The following RHOBTB2 variants were observed in gnomAD, a reference collection of about 807,000 sequenced individuals.
RHOBTB2 encodes the protein Rho related BTB domain containing 2.
A neutral mutation model predicts 66.5 loss-of-function variants in RHOBTB2; 39 were observed. The ratio of observed to expected loss-of-function variants is 0.59; its 90% confidence interval spans 0.45 to 0.77. The LOEUF is 0.77. Ranked by LOEUF, RHOBTB2 falls within the 30% of genes least tolerant of loss-of-function variation. The pLI is 0.00. For synonymous variants in RHOBTB2, 390 were observed against 395.0 expected, an observed-to-expected ratio of 0.99 and a Z score of 0.15; for missense variants, 755 against 999.1, an observed-to-expected ratio of 0.76 and a Z score of 3.29.
At chr8:23,005,663 G>C (rs1391837675) in intron 3 of RHOBTB2, among the ~76,000 whole-genome samples, 188 bp downstream of exon 3, 2 of 152,202 alleles carry the variant, frequency 1.3e-5, no homozygotes, top group African/African-American at 4.8e-5. Flanking sequence ...GGATCAGGAA[G>C]CCTGGATTGA....
At chr8:22,955,587 T>G in the RHOBTB2 span, among the ~76,000 whole-genome samples, 1 of 131,896 alleles carries the variant, frequency 7.6e-6, no homozygotes, top group East Asian at 2.6e-4. Flanking sequence ...TTTTTTTTTT[T>G]GAGACAAGGT....
the RHOBTB2 span, among the ~76,000 whole-genome samples, chr8:22,955,171 G>A: frequency 3.3e-5 from 5 of 152,076 alleles, no homozygotes; most frequent in Non-Finnish European, 5.9e-5. Flanking sequence ...CTATTGCATT[G>A]CCTATGGCCA....
the RHOBTB2 span, among the ~76,000 whole-genome samples, chr8:22,966,460 C>T: frequency 6.6e-6 from 1 of 151,700 alleles, no homozygotes; most frequent in Non-Finnish European, 1.5e-5. Context: ...TTTCCAAAGA[C>T]ATACAAATGG....
rs762088543 is a variant in RHOBTB2 at position 23,006,967 on chromosome 8, C to G, written c.722C>G (p.Pro241Arg). The change falls in exon 5 of 10, where the codon CCG becomes CGG. Residue 241 changes from proline to arginine, a missense_variant. By Grantham distance (103) the Pro-to-Arg change is moderately radical. Around this residue, in one of 7 missense-constraint regions of RHOBTB2, gnomAD observed 247 missense variants for 238.9 expected, o/e 1.03. Transcript: ENST00000251822. This position sits in a 1 kb window ranked among gnomAD's most constrained non-coding sequence, Gnocchi z 6.1. Reference sequence around the variant, plus strand: ...TTCCTACCCCCCAAGCCACCGCCCCCGATCATCGTGGTGCCCGACCCTCCC... The same window carrying G: ...TTCCTACCCCCCAAGCCACCGCCCCGGATCATCGTGGTGCCCGACCCTCCC... ...APFLPPKPPP[P>R]IIVVPDPPSS... 1.2e-6 allele frequency: 2 copies of G among 1,611,518 alleles called. No individual in the cohort carries two copies. Among genetic ancestry groups the G allele is most frequent in the South Asian group, 1.1e-5 (1 of 91,056 alleles).
At position 23,007,623 on chromosome 8, in the gene RHOBTB2, C is replaced by A. The variant is rs2128805015; in HGVS notation, c.1378C>A (p.Leu460Met). The change falls in exon 5 of 10, where the codon CTG becomes ATG. Residue 460 changes from leucine (L) to methionine (M), a missense_variant. Physicochemically the swap from Leu to Met is conservative, Grantham distance 15 (BLOSUM62 2). Coordinates refer to ENST00000251822, the MANE Select transcript of RHOBTB2 (RefSeq NM_015178.3). ...HIAELLEVFD[L>M]RMMVANILNN... ...TGCTGAGCTGCTCGAGGTCTTTGAT[C>A]TGCGCATGATGGTGGCCAACATTCT... is the stretch of plus-strand genomic sequence containing the variant. The A allele has an allele frequency of 1.2e-6, 2 of 1,614,208 alleles. No homozygotes were observed. The highest frequency in any genetic ancestry group is 1.7e-6 in the Non-Finnish European group (2 of 1,180,040).
the RHOBTB2 span, among the ~76,000 whole-genome samples, chr8:22,977,080 C>T: frequency 6.6e-6 from 1 of 152,112 alleles, no homozygotes; most frequent in Non-Finnish European, 1.5e-5. Flanking sequence ...CATAGCAAGA[C>T]ACCATCTCTA....
In RHOBTB2 at chr8:23,004,169, A is replaced by G; in HGVS notation, c.-10-256A>G. 1 of 518,716 alleles carries G rather than the reference A, an allele frequency of 1.9e-6. No homozygotes were observed. Among genetic ancestry groups the G allele is most frequent in the Non-Finnish European group, 3.5e-6 (1 of 284,334 alleles). The allele number at this position is 518,716 out of a possible 1,614,324, so 32.1% of individuals were successfully genotyped here. A position where few individuals can be genotyped will look rare whatever the true frequency, so the allele number is the denominator to read the frequency against. ...GTAGGTCTCCTTCATCCAGACGCAC[A>G]GCTGGAGGATCGTGGGAGCAGGAAG... is the stretch of plus-strand genomic sequence containing the variant. On this transcript the variant is annotated intron_variant, in intron 1 of 9. Coordinates refer to ENST00000251822, the MANE Select transcript of RHOBTB2 (RefSeq NM_015178.3). This position sits in a 1 kb window ranked among gnomAD's most constrained non-coding sequence, Gnocchi z 6.4.
In RHOBTB2 at chr8:23,006,004, C is replaced by G; in HGVS notation, c.341C>G (p.Ser114Cys). 1 of 1,614,080 alleles carries G rather than the reference C, an allele frequency of 6.2e-7. No homozygotes were observed. Among genetic ancestry groups the G allele is most frequent in the Non-Finnish European group, 8.5e-7 (1 of 1,180,000 alleles). ...TGCTTCTCCATTGCCAACCCCAATT[C>G]CCTCCACCATGTCAAGACCATGTGG... is the stretch of plus-strand genomic sequence containing the variant. ...VLCFSIANPNSLHHVKTMWYP... is the reference protein window; with the variant it reads ...VLCFSIANPNCLHHVKTMWYP... Residue 114 changes from serine to cysteine, a missense_variant, in exon 4 of 10, where the codon TCC (serine) becomes TGC (cysteine). By Grantham distance (112) the Ser-to-Cys change is moderately radical. Coordinates refer to ENST00000251822, the MANE Select transcript of RHOBTB2 (RefSeq NM_015178.3). The surrounding 1 kb of genome is among the most constrained non-coding windows in gnomAD (Gnocchi z 6.1).
Position 23,006,366 on chromosome 8 carries a change from G to T in RHOBTB2, c.482+221G>T, listed in dbSNP as rs117577838. ...ATGTAAAGCATCATGAAGAAAAATA[G>T]AGAGGAAGAGGTGATATTTGCATGA... On this transcript the variant is annotated intron_variant, in intron 4 of 9. Transcript: ENST00000251822. The surrounding 1 kb of genome is among the most constrained non-coding windows in gnomAD (Gnocchi z 6.1). 3.4e-5 allele frequency: 19 copies of T among 560,606 alleles called. No individual in the cohort carries two copies. Among genetic ancestry groups the T allele is most frequent in the Non-Finnish European group, 5.1e-5 (16 of 316,666 alleles). 34.7% of individuals were successfully genotyped at this position (560,606 alleles called of 1,614,324 possible). A position where few individuals can be genotyped will look rare whatever the true frequency, so the allele number is the denominator to read the frequency against.
At chr8:22,976,053 G>A in the RHOBTB2 span, among the ~76,000 whole-genome samples, 1 of 152,102 alleles carries the variant, frequency 6.6e-6, no homozygotes, top group Non-Finnish European at 1.5e-5. Context: ...GGCTGAGCCA[G>A]GAGAATCACT....
the RHOBTB2 span, among the ~76,000 whole-genome samples, chr8:22,954,839 A>G: frequency 6.6e-6 from 1 of 152,230 alleles, no homozygotes; most frequent in Non-Finnish European, 1.5e-5. Flanking sequence ...TTTCGTCAAG[A>G]TGCCCCAGAT....
rs1022988354 is a variant in RHOBTB2, at chr8:23,007,646, T to C, written c.1401T>C (p.Ile467=). The change falls in exon 5 of 10, where the codon ATT becomes ATC. Residue 467 remains isoleucine, a synonymous_variant. Coordinates refer to ENST00000251822, the MANE Select transcript of RHOBTB2 (RefSeq NM_015178.3). ...ATCTGCGCATGATGGTGGCCAACAT[T>C]CTCAACAATGAGGCCTTCATGAACC... ...VFDLRMMVAN[I]LNNEAFMNQE... 2 of 1,613,952 alleles carry C rather than the reference T, an allele frequency of 1.2e-6. No homozygotes were observed. The highest frequency in any genetic ancestry group is 8.5e-7 in the Non-Finnish European group (1 of 1,179,990).
chr8:22,963,991 G>A, the RHOBTB2 span, among the ~76,000 whole-genome samples: 4 of 152,066 alleles, frequency 2.6e-5, no homozygotes, highest in South Asian at 2.1e-4. Context: ...ATGTTGGTCA[G>A]GCTGGTCTCA....
At position 23,007,099 on chromosome 8, in the gene RHOBTB2, T is replaced by A; in HGVS notation, c.854T>A (p.Leu285His). The A allele has an allele frequency of 6.2e-7, 1 of 1,610,988 alleles. No homozygotes were observed. The highest frequency in any genetic ancestry group is 8.5e-7 in the Non-Finnish European group (1 of 1,179,806). ...RVRIFAHKIY[L>H]STSSSKFYDL... Reference sequence around the variant, plus strand: ...CGCATCTTTGCCCACAAGATCTACCTCTCCACCTCTTCCTCCAAGTTCTAT... The same window carrying A: ...CGCATCTTTGCCCACAAGATCTACCACTCCACCTCTTCCTCCAAGTTCTAT... The change falls in exon 5 of 10, where the codon CTC becomes CAC. Residue 285 changes from leucine (L) to histidine (H), a missense_variant. By Grantham distance (99) the Leu-to-His change is moderately conservative. Transcript: ENST00000251822.
At chr8:22,968,743 T>G in the RHOBTB2 span, among the ~76,000 whole-genome samples, 2 of 151,044 alleles carry the variant, frequency 1.3e-5, no homozygotes, top group Admixed American at 1.3e-4. Flanking sequence ...ATGGTAAGAG[T>G]GTGATTTAAT....
Position 22,999,578 on chromosome 8 carries a change from G to C in RHOBTB2, c.-538G>C, listed in dbSNP as rs565311808. 3 of 1,219,514 alleles carry C rather than the reference G, an allele frequency of 2.5e-6. No individual in the cohort carries two copies. Among genetic ancestry groups the C allele is most frequent in the Non-Finnish European group, 2.1e-6 (2 of 960,986 alleles). The allele number at this position is 1,219,514 out of a possible 1,614,324, so 75.5% of individuals were successfully genotyped here. ...CCGTCACGGCTGTCGTCTTGGGTGC[G>C]ATTTTTTTCTCCTCCTTTTTTTACC... On this transcript the variant is annotated 5_prime_UTR_variant, in exon 1 of 10. Transcript: ENST00000251822.
At chr8:22,998,660 G>A (rs1001192947), upstream of RHOBTB2, among the ~76,000 whole-genome samples, 1 of 150,842 alleles carries the variant, frequency 6.6e-6, no homozygotes, top group African/African-American at 2.4e-5. Flanking sequence ...GAACCCAAGA[G>A]GCGGAGGTTG....
chr8:22,971,342 G>A, the RHOBTB2 span, among the ~76,000 whole-genome samples: 8 of 129,412 alleles, frequency 6.2e-5, 1 homozygote, highest in Admixed American at 1.5e-4. Context: ...GTGTCACTAC[G>A]CCCATCTATT....
chr8:23,015,264 T>C (rs561698173), intron 8 of RHOBTB2, among the ~76,000 whole-genome samples: 2 of 152,232 alleles, frequency 1.3e-5, no homozygotes, highest in Non-Finnish European at 2.9e-5. Context: ...CTCCCTTAGC[T>C]CATTGTCAGT....
Sources: gnomAD v4.1 joint callset for allele counts (sites outside exome capture counted in the v4.1 genomes callset) on GRCh38, gnomAD v4.1.1 for gene constraint, gnomAD v4.1.1 regional missense constraint, Gnocchi (gnomAD v3.1) non-coding constraint, MANE v1.5 for transcripts, NCBI Gene and HGNC (gene_info 2026-07-23, HGNC 2026-07-21) for gene names.